PALS2: variants seen among roughly 807,000 people sequenced by gnomAD.
PALS2 encodes protein associated with LIN7 2, MAGUK p55 family member.
PALS2 carries 27 observed loss-of-function variants against 61.6 expected under a neutral mutation model. The observed-to-expected ratio is 0.44, with a 90% confidence interval of 0.32 to 0.60. The LOEUF is 0.60. PALS2 is among the 20% of genes least tolerant of loss of function. The pLI, the probability that PALS2 is intolerant of heterozygous loss-of-function variation, is 0.05. For synonymous variants in PALS2, 236 were observed against 218.6 expected (o/e 1.08, Z -0.70); for missense variants, 554 against 639.4 (o/e 0.87, Z 1.44).
intron 9 of PALS2, among the ~76,000 whole-genome samples, chr7:24,674,011 A>G (rs576712605): frequency 2.7e-4 from 41 of 152,144 alleles, no homozygotes; most frequent in Middle Eastern, 3.4e-3. Flanking sequence ...TTATATATAT[A>G]TATAAATAGG....
At chr7:24,605,814 C>T (rs894824866) in intron 1 of PALS2, among the ~76,000 whole-genome samples, 2 of 152,114 alleles carry the variant, frequency 1.3e-5, no homozygotes, top group African/African-American at 2.4e-5. Context: ...ATTGCCCAAG[C>T]TATCAGCTAT....
intron 1 of PALS2, chr7:24,620,031 T>G (rs1342563203): frequency 6.6e-6 from 1 of 152,152 alleles, no homozygotes; most frequent in African/African-American, 2.4e-5. Flanking sequence ...TATTATAGAT[T>G]TATGTTTTAA....
In PALS2 at chr7:24,594,798, G is replaced by C. The variant is rs548964495; in HGVS notation, c.-3+21205G>C. 2.0e-5 allele frequency among the ~76,000 whole-genome samples: 3 copies of C among 152,184 alleles called. No homozygotes were observed. The South Asian group carries it at 6.2e-4, about 32-fold the overall frequency. The stretch of plus-strand genomic sequence containing the variant: ...TATATGTATCGAAATACTACCCCAT[G>C]AATGTGTGTATTTATTGTGAAGTTT... On this transcript the variant is annotated intron_variant, in intron 1 of 11. Transcript: ENST00000222644.
At chr7:24,623,566 T>A in intron 1 of PALS2, 100 bp from the exon 2 acceptor site, 1 of 622,066 alleles carries the variant, frequency 1.6e-6, no homozygotes, top group South Asian at 2.7e-5. Flanking sequence ...TAATGTCTAG[T>A]TGCATTATTA....
chr7:24,594,509 C>T (rs1783424710), intron 1 of PALS2, among the ~76,000 whole-genome samples: 1 of 152,028 alleles, frequency 6.6e-6, no homozygotes, highest in Admixed American at 6.6e-5. Context: ...GAGACTTGCT[C>T]CTCTTCCTTT....
intron 1 of PALS2, among the ~76,000 whole-genome samples, chr7:24,580,155 T>C (rs1402994455): frequency 2.0e-5 from 3 of 152,168 alleles, no homozygotes. Context: ...CTAAGCTGAT[T>C]TACTTAAATG....
chr7:24,675,091 T>C (rs2128027471), intron 9 of PALS2, among the ~76,000 whole-genome samples: 1 of 152,284 alleles, frequency 6.6e-6, no homozygotes, highest in Middle Eastern at 3.4e-3. Flanking sequence ...TAGATTGTTT[T>C]TTGAAGTGTT....
intron 2 of PALS2, among the ~76,000 whole-genome samples, chr7:24,634,322 C>T (rs577178632): frequency 6.6e-6 from 1 of 152,302 alleles, no homozygotes; most frequent in East Asian, 1.9e-4. Flanking sequence ...GCTCTGCCTT[C>T]TGGGTTCATG....
intron 1 of PALS2, among the ~76,000 whole-genome samples, chr7:24,607,523 A>ATG (rs527858881): frequency 6.6e-6 from 1 of 151,330 alleles, no homozygotes; most frequent in African/African-American, 2.4e-5. Context: ...ATGTGTATAT[A>ATG]TGTGTGTGTA....
intron 2 of PALS2, among the ~76,000 whole-genome samples, chr7:24,627,555 A>G (rs1367135257): frequency 6.6e-6 from 1 of 152,196 alleles, no homozygotes; most frequent in East Asian, 1.9e-4. Context: ...AACCCTTCAA[A>G]AAAACAATCA....
chr7:24,635,100 A>G (rs1785174611), intron 2 of PALS2, among the ~76,000 whole-genome samples: 2 of 152,198 alleles, frequency 1.3e-5, no homozygotes, highest in African/African-American at 2.4e-5. Flanking sequence ...GTCAATTTCT[A>G]TAAACATGTC....
In PALS2 at chr7:24,665,526, T is replaced by A. The variant is rs112919839; in HGVS notation, c.784-62T>A. Reference sequence around the variant, plus strand: ...TTTGACTGACCACTGCTTGTCTTACTTAATAGAATATGGTCTCAAATTTTG... The same window carrying A: ...TTTGACTGACCACTGCTTGTCTTACATAATAGAATATGGTCTCAAATTTTG... On this transcript the variant is annotated intron_variant, in intron 6 of 11. Transcript: ENST00000222644. 5.4e-5 allele frequency: 80 copies of A among 1,473,398 alleles called. No homozygotes were observed. In the African/African-American group the frequency reaches 1.0e-3, roughly 19 times the overall value. 91.3% of individuals were successfully genotyped at this position (1,473,398 alleles called of 1,614,324 possible).
chr7:24,624,055 T>C, intron 2 of PALS2: 1 of 1,335,470 alleles, frequency 7.5e-7, no homozygotes, highest in Non-Finnish European at 1.0e-6. Flanking sequence ...CAGTTGTGTT[T>C]TAACAGGGCC....
intron 1 of PALS2, among the ~76,000 whole-genome samples, chr7:24,615,681 G>A (rs1035772757): frequency 2.0e-5 from 3 of 151,854 alleles, no homozygotes; most frequent in Admixed American, 6.6e-5. Flanking sequence ...AAAAATTGGA[G>A]GGGAGGGAAT....
At chr7:24,578,271 A>G (rs187895117) in intron 1 of PALS2, among the ~76,000 whole-genome samples, 6 of 152,306 alleles carry the variant, frequency 3.9e-5, no homozygotes, top group African/African-American at 1.4e-4. Flanking sequence ...CTTTTGATTA[A>G]CACTATATTT....
intron 2 of PALS2, among the ~76,000 whole-genome samples, chr7:24,639,689 A>G (rs955298219): frequency 2.0e-5 from 3 of 151,090 alleles, no homozygotes; most frequent in South Asian, 2.1e-4. Flanking sequence ...TTTTTTTCCA[A>G]TGGTGATAGT....
intron 1 of PALS2, among the ~76,000 whole-genome samples, chr7:24,613,861 A>G (rs1437018251): frequency 6.6e-6 from 1 of 151,738 alleles, no homozygotes; most frequent in Non-Finnish European, 1.5e-5. Flanking sequence ...TCTGTTCCTG[A>G]TTTATTTCAC....
intron 2 of PALS2, among the ~76,000 whole-genome samples, chr7:24,633,573 A>G (rs564785750): frequency 1.7e-3 from 252 of 150,206 alleles, no homozygotes; most frequent in African/African-American, 5.7e-3. Context: ...ACAGTGTTCT[A>G]TGAGTCTCGT....
intron 1 of PALS2, among the ~76,000 whole-genome samples, chr7:24,605,765 A>C (rs532703224): frequency 3.3e-5 from 5 of 152,316 alleles, no homozygotes; most frequent in African/African-American, 1.2e-4. Context: ...AAATTAATTT[A>C]TGTATACCTG....
Sources: gnomAD v4.1 joint callset for allele counts (sites outside exome capture counted in the v4.1 genomes callset) on GRCh38, gnomAD v4.1.1 for gene constraint, MANE v1.5 for transcripts, NCBI Gene and HGNC (gene_info 2026-07-23, HGNC 2026-07-21) for gene names.